NCOR1: variants seen among roughly 807,000 people sequenced by gnomAD.
NCOR1 encodes protein phosphatase 1, regulatory subunit 109.
NCOR1 carries 63 observed loss-of-function variants against 288.1 expected under a neutral mutation model. The observed-to-expected ratio is 0.22, with a 90% CI of 0.18 to 0.27. The LOEUF (loss-of-function observed/expected upper bound fraction) is 0.27. Among genes scored for constraint, NCOR1 ranks in the 10% least tolerant of loss-of-function variants. NCOR1 has a pLI of 1.00. For synonymous variants in NCOR1, 1,007 were observed against 1,065.9 expected, an observed-to-expected ratio of 0.94 and a Z score of 1.08; for missense variants, 2,397 against 3,019.2, an observed-to-expected ratio of 0.79 and a Z score of 4.83.
At chr17:16,095,123 C>T (rs548839898) in intron 21 of NCOR1, among the ~76,000 whole-genome samples, 141 of 150,716 alleles carry the variant, frequency 9.4e-4, no homozygotes, top group Non-Finnish European at 1.8e-3. Context: ...AAGTGAGCAG[C>T]GCCTCTTCCC....
intron 22 of NCOR1, 89 bp downstream of exon 22, chr17:16,091,774 C>A: frequency 2.5e-6 from 4 of 1,588,146 alleles, no homozygotes; most frequent in Non-Finnish European, 2.6e-6. Context: ...GGGAGGCTGA[C>A]AACTTACAAA....
intron 14 of NCOR1, among the ~76,000 whole-genome samples, chr17:16,129,000 T>C (rs1331403595): frequency 6.6e-6 from 1 of 152,260 alleles, no homozygotes; most frequent in Admixed American, 6.5e-5. Flanking sequence ...CTTTTGGTGT[T>C]ATGGAATGAC....
At chr17:16,182,486 G>A (rs190852808) in intron 3 of NCOR1, among the ~76,000 whole-genome samples, 2 of 152,046 alleles carry the variant, frequency 1.3e-5, no homozygotes, top group South Asian at 2.1e-4. Context: ...ACGGAGTCTC[G>A]CTCTGTCACC....
intron 8 of NCOR1, among the ~76,000 whole-genome samples, chr17:16,151,393 C>T (rs1430257768): frequency 2.0e-5 from 3 of 152,026 alleles, no homozygotes; most frequent in African/African-American, 4.8e-5. Context: ...TGAGCGCTTC[C>T]AAGGCACCAG....
In NCOR1 at chr17:16,081,322, C is replaced by T. The variant is rs556053099; in HGVS notation, c.3178-595G>A. On this transcript the variant is annotated intron_variant, in intron 23 of 45. Coordinates refer to ENST00000268712, the MANE Select transcript of NCOR1 (RefSeq NM_006311.4). Reference sequence around the variant, plus strand: ...TCCCAGTCTCAAGCAATGTAAGAATCGACTTTTAAAGAACCCTGGAAATTA... The same window carrying T: ...TCCCAGTCTCAAGCAATGTAAGAATTGACTTTTAAAGAACCCTGGAAATTA... Among the ~76,000 whole-genome samples the T allele has an allele frequency of 2.8e-5, 4 of 144,434 alleles. No individual in the cohort carries two copies. The East Asian group carries it at 8.0e-4, about 29-fold the overall frequency. The allele number at this position is 144,434 out of a possible 152,430, so 94.8% of individuals were successfully genotyped here.
At chr17:16,126,665 T>C (rs1390214456) in intron 14 of NCOR1, among the ~76,000 whole-genome samples, 1 of 152,216 alleles carries the variant, frequency 6.6e-6, no homozygotes, top group African/African-American at 2.4e-5. Context: ...GAAAGTCTAC[T>C]TAATGGAATA....
At chr17:16,156,026 C>T (rs1286934848) in intron 6 of NCOR1, among the ~76,000 whole-genome samples, 1 of 152,156 alleles carries the variant, frequency 6.6e-6, no homozygotes, top group Admixed American at 6.5e-5. Flanking sequence ...GGCATGGGGG[C>T]TCACACGTGT....
At chr17:16,102,190 C>T (rs2153003824) in intron 19 of NCOR1, among the ~76,000 whole-genome samples, 1 of 152,124 alleles carries the variant, frequency 6.6e-6, no homozygotes, top group East Asian at 1.9e-4. Context: ...ATCCAATAGA[C>T]ATATAATGTA....
chr17:16,045,907 G>T (rs1281928904), intron 42 of NCOR1, among the ~76,000 whole-genome samples: 1 of 152,016 alleles, frequency 6.6e-6, no homozygotes, highest in Non-Finnish European at 1.5e-5. Context: ...AACTTCCCAG[G>T]CTCAAGCAAT....
chr17:16,044,248 T>C (rs2058277461), intron 42 of NCOR1, among the ~76,000 whole-genome samples: 1 of 152,030 alleles, frequency 6.6e-6, no homozygotes, highest in African/African-American at 2.4e-5. Flanking sequence ...TCTAAAATAT[T>C]TGTCTTTTAT....
Position 16,151,184 on chromosome 17 carries a change from AT to A in NCOR1, c.842+761del, listed in dbSNP as rs2078801949. Among the ~76,000 whole-genome samples the A allele has an allele frequency of 2.0e-5, 3 of 147,016 alleles. No homozygotes were observed. The Admixed American group carries it at 2.1e-4, about 10-fold the overall frequency. ...ACAAACTAAGAATAATGCACCTAAA[AT>A]TCTCTTAAAGTATAATTTTTTTTTT... On this transcript the variant is annotated intron_variant, in intron 8 of 45. Transcript: ENST00000268712.
intron 1 of NCOR1, among the ~76,000 whole-genome samples, chr17:16,204,958 C>T (rs1218053621): frequency 2.0e-5 from 3 of 152,208 alleles, no homozygotes; most frequent in African/African-American, 4.8e-5. Flanking sequence ...CGTTGGCTCA[C>T]GCCTGTGATC....
intron 23 of NCOR1, among the ~76,000 whole-genome samples, chr17:16,081,323 G>A (rs1472854769): frequency 2.1e-5 from 3 of 143,610 alleles, no homozygotes; most frequent in Admixed American, 7.0e-5. Context: ...TGTAAGAATC[G>A]ACTTTTAAAG....
chr17:16,208,118 G>A (rs1427987047), intron 1 of NCOR1, among the ~76,000 whole-genome samples: 5 of 127,794 alleles, frequency 3.9e-5, no homozygotes, highest in Non-Finnish European at 7.8e-5. Flanking sequence ...TCGGTTCACT[G>A]CAACCTCTGC....
intron 6 of NCOR1, among the ~76,000 whole-genome samples, chr17:16,155,329 CA>C (rs1410976632): frequency 5.5e-5 from 7 of 128,346 alleles, no homozygotes; most frequent in Non-Finnish European, 9.6e-5. Flanking sequence ...CCAGCCTGGG[CA>C]ACAGAACAAG....
chr17:16,181,410 A>ACC (rs2085458569), intron 3 of NCOR1, among the ~76,000 whole-genome samples: 1 of 151,822 alleles, frequency 6.6e-6, no homozygotes, highest in South Asian at 2.1e-4. Context: ...AAAAGCACTC[A>ACC]AATACACAGG....
intron 1 of NCOR1, among the ~76,000 whole-genome samples, chr17:16,206,714 G>T (rs1448582833): frequency 3.3e-5 from 5 of 152,026 alleles, no homozygotes; most frequent in African/African-American, 4.8e-5. Context: ...TACTAGAAAT[G>T]GGATATTAAG....
At chr17:16,080,836 T>TAGATCGG in intron 23 of NCOR1, 109 bp from the exon 24 acceptor site, 1 of 988,932 alleles carries the variant, frequency 1.0e-6, no homozygotes, top group Non-Finnish European at 1.4e-6. Flanking sequence ...AAAAAAAAAT[T>TAGATCGG]ATACCCCTTC....
intron 40 of NCOR1, among the ~76,000 whole-genome samples, chr17:16,052,341 G>GA (rs1216083484): frequency 2.6e-5 from 4 of 151,776 alleles, no homozygotes; most frequent in Non-Finnish European, 4.4e-5. Context: ...CTGGTTTTTA[G>GA]AAAAAATTAA....
Sources: allele counts gnomAD v4.1 joint callset (sites outside exome capture counted in the v4.1 genomes callset), GRCh38; gene constraint gnomAD v4.1.1; transcripts MANE v1.5; gene names NCBI Gene and HGNC (gene_info 2026-07-23, HGNC 2026-07-21).